Variants in ELAPOR2 observed in about 807,000 individuals in gnomAD.
ELAPOR2 encodes the protein endosome/lysosome-associated apoptosis and autophagy regulator family member 2.
In ELAPOR2, 89 loss-of-function variants were observed where a neutral mutation model predicts 120.7. The ratio of observed to expected loss-of-function variants is 0.74; its 90% CI spans 0.62 to 0.88. The LOEUF (loss-of-function observed/expected upper bound fraction) is 0.88. Among genes scored for constraint, ELAPOR2 ranks in the 40% least tolerant of loss-of-function variants. The pLI, the probability that ELAPOR2 is intolerant of heterozygous loss-of-function variation, is 0.00. For missense variants in ELAPOR2, 1,134 were observed against 1,251.6 expected, an observed-to-expected ratio of 0.91 and a Z score of 1.42; for synonymous variants, 444 against 444.9, an observed-to-expected ratio of 1.00 and a Z score of 0.03.
chr7:86,945,148 G>C, intron 3 of ELAPOR2, 102 bp from the exon 4 acceptor site: 1 of 1,065,872 alleles, frequency 9.4e-7, no homozygotes, highest in Non-Finnish European at 1.3e-6. Context: ...CATCAGCAAA[G>C]TACAGCAGAA....
At chr7:87,019,854 G>A (rs1037123276) in intron 1 of ELAPOR2, among the ~76,000 whole-genome samples, 5 of 152,098 alleles carry the variant, frequency 3.3e-5, no homozygotes, top group African/African-American at 1.2e-4. Flanking sequence ...ACTTAATATA[G>A]AAGTCAAAAG....
At chr7:86,913,853 C>T (rs1403273691) in intron 13 of ELAPOR2, among the ~76,000 whole-genome samples, 5 of 152,116 alleles carry the variant, frequency 3.3e-5, no homozygotes, top group African/African-American at 7.2e-5. Context: ...AAGCAGTTGG[C>T]GTCACTCTAT....
intron 1 of ELAPOR2, among the ~76,000 whole-genome samples, chr7:87,056,919 A>AATGGCCT (rs1476631040): frequency 1.3e-5 from 2 of 152,330 alleles, no homozygotes; most frequent in African/African-American, 4.8e-5. Flanking sequence ...TGAGGTTCAA[A>AATGGCCT]ATGGCCTATA....
intron 1 of ELAPOR2, among the ~76,000 whole-genome samples, chr7:87,042,447 A>T (rs918016672): frequency 6.7e-6 from 1 of 150,264 alleles, no homozygotes; most frequent in African/African-American, 2.5e-5. Flanking sequence ...AGAACTCAGG[A>T]TGAGAATCTC....
intron 10 of ELAPOR2, among the ~76,000 whole-genome samples, chr7:86,923,457 A>T (rs566201388): frequency 6.6e-6 from 1 of 152,194 alleles, no homozygotes; most frequent in Non-Finnish European, 1.5e-5. Flanking sequence ...TCTAATTTTA[A>T]TAACTTAACA....
Position 86,925,524 on chromosome 7 carries a change from T to C in ELAPOR2, c.1399+4A>G. 1 of 1,611,204 alleles carries C rather than the reference T, an allele frequency of 6.2e-7. No homozygotes were observed. The highest frequency in any genetic ancestry group is 8.5e-7 in the Non-Finnish European group (1 of 1,178,058). On this transcript the variant is annotated splice_donor_region_variant and intron_variant, in intron 10 of 21. Transcript: ENST00000450689. ...TACATCAAGTAGGCTGATTTTGAAC[T>C]TACCATTCATTCCATCGCACTTTGA...
intron 1 of ELAPOR2, among the ~76,000 whole-genome samples, chr7:86,985,473 A>T (rs939206236): frequency 2.6e-5 from 4 of 152,202 alleles, no homozygotes; most frequent in African/African-American, 9.7e-5. Context: ...CCAGCAGCAC[A>T]TCAAAAAGCT....
At chr7:86,961,856 C>T (rs1230003403) in intron 2 of ELAPOR2, among the ~76,000 whole-genome samples, 1 of 152,140 alleles carries the variant, frequency 6.6e-6, no homozygotes, top group Non-Finnish European at 1.5e-5. Flanking sequence ...AAGAGAAGTG[C>T]CAATGTTCCC....
chr7:86,984,450 G>A (rs770845838), intron 1 of ELAPOR2, among the ~76,000 whole-genome samples: 2 of 152,114 alleles, frequency 1.3e-5, no homozygotes, highest in Non-Finnish European at 2.9e-5. Context: ...GCACTCCTTG[G>A]CAAATGTAAA....
At chr7:86,978,789 T>A (rs1407597332) in intron 1 of ELAPOR2, among the ~76,000 whole-genome samples, 1 of 152,204 alleles carries the variant, frequency 6.6e-6, no homozygotes, top group Non-Finnish European at 1.5e-5. Flanking sequence ...TAAATATACA[T>A]GGTAATATTT....
chr7:86,900,035 TA>T (rs1434926279), intron 18 of ELAPOR2, among the ~76,000 whole-genome samples: 1 of 151,854 alleles, frequency 6.6e-6, no homozygotes, highest in Non-Finnish European at 1.5e-5. Context: ...TGAGAAAAAA[TA>T]TCCAAGAATA....
Position 86,942,114 on chromosome 7 carries a change from A to T in ELAPOR2, c.655-10T>A. 6.7e-7 allele frequency: 1 copy of T among 1,496,614 alleles called. No homozygotes were observed. Among genetic ancestry groups the T allele is most frequent in the Non-Finnish European group, 9.1e-7 (1 of 1,097,226 alleles). 92.7% of individuals were successfully genotyped at this position (1,496,614 alleles called of 1,614,324 possible). ...ACTGATCATTTTGAATCTGTGGATT[A>T]AACACAAGAGCCCTAGTAAAGTGTC... is the stretch of plus-strand genomic sequence containing the variant. On this transcript the variant is annotated splice_polypyrimidine_tract_variant and intron_variant, in intron 4 of 21. Coordinates refer to ENST00000450689, the MANE Select transcript of ELAPOR2 (RefSeq NM_001142749.3).
At chr7:86,994,471 C>T (rs1433651083) in intron 1 of ELAPOR2, among the ~76,000 whole-genome samples, 1 of 152,150 alleles carries the variant, frequency 6.6e-6, no homozygotes, top group African/African-American at 2.4e-5. Flanking sequence ...ATGCACATCC[C>T]TGAGAAACAG....
intron 1 of ELAPOR2, among the ~76,000 whole-genome samples, chr7:87,038,067 C>A (rs1794645796): frequency 6.6e-6 from 1 of 152,098 alleles, no homozygotes; most frequent in Non-Finnish European, 1.5e-5. Flanking sequence ...ATATGAATGG[C>A]AACTGAAAAA....
At chr7:86,909,431 G>A (rs1789189995) in intron 16 of ELAPOR2, among the ~76,000 whole-genome samples, 1 of 152,012 alleles carries the variant, frequency 6.6e-6, no homozygotes, top group Non-Finnish European at 1.5e-5. Context: ...CTTCCTTTTG[G>A]TATGAGAAAA....
At chr7:86,963,139 A>T (rs1322261452) in intron 2 of ELAPOR2, among the ~76,000 whole-genome samples, 2 of 152,224 alleles carry the variant, frequency 1.3e-5, no homozygotes, top group East Asian at 3.8e-4. Context: ...TTATCAGAAA[A>T]GTATTATCAT....
chr7:86,951,601 T>C (rs1791247326), intron 2 of ELAPOR2, among the ~76,000 whole-genome samples: 1 of 152,228 alleles, frequency 6.6e-6, no homozygotes, highest in Non-Finnish European at 1.5e-5. Flanking sequence ...CCATGCTTGA[T>C]ACTTTACAAA....
chr7:86,886,519 C>A (rs989353887), intron 21 of ELAPOR2, among the ~76,000 whole-genome samples: 8 of 152,034 alleles, frequency 5.3e-5, no homozygotes, highest in Non-Finnish European at 1.2e-4. Flanking sequence ...GACTCATTAC[C>A]TCTTGATATG....
chr7:86,986,719 A>G (rs1792753461), intron 1 of ELAPOR2, among the ~76,000 whole-genome samples: 1 of 151,932 alleles, frequency 6.6e-6, no homozygotes, highest in Non-Finnish European at 1.5e-5. Flanking sequence ...ATGAAAGAAC[A>G]TTCCATGCTC....
Sources: gnomAD v4.1 joint callset for allele counts (sites outside exome capture counted in the v4.1 genomes callset) on GRCh38, gnomAD v4.1.1 for gene constraint, MANE v1.5 for transcripts, NCBI Gene and HGNC (gene_info 2026-07-23, HGNC 2026-07-21) for gene names.